SLC17A1: variants seen among roughly 807,000 people sequenced by gnomAD.
SLC17A1 encodes solute carrier family 17 member 1, also known as sodium-dependent phosphate transport protein 1.
SLC17A1 carries 51 observed loss-of-function variants against 53.5 expected under a neutral mutation model. The observed-to-expected ratio is 0.95, with a 90% CI of 0.76 to 1.20. SLC17A1 has a LOEUF of 1.20. SLC17A1 is among the 50% of genes most tolerant of loss of function. SLC17A1 has a pLI of 0.00. For missense variants in SLC17A1, 538 were observed against 568.2 expected, an observed-to-expected ratio of 0.95 and a Z score of 0.54; for synonymous variants, 179 against 198.8, an observed-to-expected ratio of 0.90 and a Z score of 0.84.
At chr6:25,726,106 G>GTC in the SLC17A1 span, 3 of 1,501,594 alleles carry the variant, frequency 2.0e-6, no homozygotes, top group African/African-American at 4.2e-5. Context: ...TGACACAGAA[G>GTC]TCTTTTTACC....
the SLC17A1 span, among the ~76,000 whole-genome samples, chr6:25,774,778 C>A: frequency 2.6e-5 from 4 of 152,172 alleles, no homozygotes; most frequent in Non-Finnish European, 4.4e-5. Flanking sequence ...GAAAGCAGAG[C>A]TTTCCAGGCT....
rs778299449 is a variant in SLC17A1, at chr6:25,813,205, C to T, written c.625G>A (p.Gly209Ser). The T allele has an allele frequency of 6.2e-6, 10 of 1,613,640 alleles. No homozygotes were observed. Among genetic ancestry groups the T allele is most frequent in the Non-Finnish European group, 8.5e-6 (10 of 1,179,660 alleles). Residue 209 changes from glycine (G) to serine (S), a missense_variant, in exon 7 of 13, where the codon GGC becomes AGC. By Grantham distance (56) the Gly-to-Ser change is moderately conservative. Transcript: ENST00000244527. ...PMVFYIFGAC[G>S]CAVCLLWFVL... is the part of the protein sequence containing the mutation. ...AACCAGAGAAGACATACGGCACAGC[C>T]ACAAGCACCTATCAAAGCAGGGTAA...
the SLC17A1 span, chr6:25,731,758 G>A: frequency 2.0e-6 from 3 of 1,480,354 alleles, no homozygotes; most frequent in South Asian, 2.4e-5. Flanking sequence ...GGTTTGTGGA[G>A]CTCATCTGCT....
chr6:25,762,146 CT>C, the SLC17A1 span: 2 of 1,084,630 alleles, frequency 1.8e-6, no homozygotes, highest in South Asian at 3.1e-5. Flanking sequence ...TCTGTGGCAT[CT>C]TTTGTTGATA....
the SLC17A1 span, among the ~76,000 whole-genome samples, chr6:25,741,581 C>G: frequency 0.27 from 40,894 of 151,804 alleles, 6,762 homozygotes; most frequent in East Asian, 0.7. Flanking sequence ...TGGGCGTGGT[C>G]ATGGGCCGCC....
intron 11 of SLC17A1, among the ~76,000 whole-genome samples, chr6:25,800,239 A>C (rs891220025): frequency 1.3e-4 from 19 of 151,784 alleles, no homozygotes; most frequent in Admixed American, 1.2e-3. Flanking sequence ...CTGCTTGTTC[A>C]TTATAACTGA....
intron 12 of SLC17A1, among the ~76,000 whole-genome samples, chr6:25,792,054 G>C (rs1763512813): frequency 6.6e-6 from 1 of 152,140 alleles, no homozygotes; most frequent in African/African-American, 2.4e-5. Flanking sequence ...TGGCTAACTG[G>C]GCCTAAGTTT....
chr6:25,753,095 A>G, the SLC17A1 span, among the ~76,000 whole-genome samples: 3 of 152,260 alleles, frequency 2.0e-5, no homozygotes, highest in Non-Finnish European at 2.9e-5. Context: ...GCCTAGGCTG[A>G]CACAAAATCA....
At chr6:25,756,505 A>C in the SLC17A1 span, among the ~76,000 whole-genome samples, 3 of 151,758 alleles carry the variant, frequency 2.0e-5, no homozygotes, top group Admixed American at 6.6e-5. Flanking sequence ...CTTTCTTTTC[A>C]TATGTGCCCC....
intron 10 of SLC17A1, among the ~76,000 whole-genome samples, chr6:25,804,964 G>A (rs1763904887): frequency 6.6e-6 from 1 of 152,018 alleles, no homozygotes. Flanking sequence ...ACTGACAGCA[G>A]TAGACAGATC....
chr6:25,793,073 G>A (rs745383043), intron 12 of SLC17A1, among the ~76,000 whole-genome samples: 2 of 152,204 alleles, frequency 1.3e-5, no homozygotes, highest in Non-Finnish European at 2.9e-5. Context: ...TGACCTGGAA[G>A]CACTACATTA....
intron 10 of SLC17A1, among the ~76,000 whole-genome samples, chr6:25,806,263 A>C (rs558666124): frequency 3.3e-5 from 5 of 152,210 alleles, no homozygotes; most frequent in African/African-American, 1.2e-4. Flanking sequence ...TAACATAAAG[A>C]GTTAAAAATA....
intron 1 of SLC17A1, among the ~76,000 whole-genome samples, chr6:25,831,533 G>A (rs1460009758): frequency 6.6e-6 from 1 of 151,852 alleles, no homozygotes; most frequent in Non-Finnish European, 1.5e-5. Context: ...TAAACACATG[G>A]TACAAACTCC....
At chr6:25,792,015 C>G (rs1473380323) in intron 12 of SLC17A1, among the ~76,000 whole-genome samples, 2 of 152,230 alleles carry the variant, frequency 1.3e-5, no homozygotes, top group Non-Finnish European at 2.9e-5. Flanking sequence ...GTGAATCCTT[C>G]AAGCCAATTC....
chr6:25,776,539 G>C, the SLC17A1 span: 2 of 1,541,836 alleles, frequency 1.3e-6, no homozygotes, highest in Admixed American at 2.0e-5. Context: ...AAGGTTGTCT[G>C]TGTCGTGGTG....
chr6:25,777,564 AAACAACAACAACAACAACAAC>A, the SLC17A1 span: 4,325 of 162,038 alleles, frequency 0.027, 197 homozygotes, highest in African/African-American at 0.095. Flanking sequence ...GCAGAAGCCA[AAACAACAACAACAACAACAAC>A]AACAACAACA....
At chr6:25,782,778 A>C (rs895821267), downstream of SLC17A1, 1 of 152,186 alleles carries the variant, frequency 6.6e-6, no homozygotes, top group Non-Finnish European at 1.5e-5. Context: ...GAGGGAGCTG[A>C]CTTGTGCTGT....
chr6:25,796,099 A>G (rs1250428414), intron 12 of SLC17A1, among the ~76,000 whole-genome samples: 3 of 152,206 alleles, frequency 2.0e-5, no homozygotes, highest in South Asian at 2.1e-4. Context: ...CCTTGGAAAT[A>G]GAGGATAAAC....
chr6:25,734,732 T>C, the SLC17A1 span, among the ~76,000 whole-genome samples: 1 of 152,256 alleles, frequency 6.6e-6, no homozygotes, highest in South Asian at 2.1e-4. Context: ...ACTCAGTAGA[T>C]GCTTAAAAAG....
Sources: gnomAD v4.1 joint callset for allele counts (sites outside exome capture counted in the v4.1 genomes callset) on GRCh38, gnomAD v4.1.1 for gene constraint, MANE v1.5 for transcripts, NCBI Gene and HGNC (gene_info 2026-07-23, HGNC 2026-07-21) for gene names.